MOV10L1: variants seen among roughly 807,000 people sequenced by gnomAD.
MOV10L1 encodes Mov10 like RNA helicase 1.
Under a neutral mutation model 143.8 loss-of-function variants are expected in MOV10L1, and 110 were observed. The ratio of observed to expected loss-of-function variants is 0.76; its 90% CI spans 0.66 to 0.90. MOV10L1 has a LOEUF of 0.90. Among genes scored for constraint, MOV10L1 ranks in the 40% least tolerant of loss-of-function variants. The probability of loss-of-function intolerance (pLI) is 0.00; values close to 1 mark genes in which losing one functional copy is unlikely to be tolerated. For missense variants in MOV10L1, 1,406 were observed against 1,526.8 expected, an observed-to-expected ratio of 0.92 and a Z score of 1.32; for synonymous variants, 593 against 581.1, an observed-to-expected ratio of 1.02 and a Z score of -0.29.
intron 13 of MOV10L1, among the ~76,000 whole-genome samples, chr22:50,129,949 A>G (rs2062624347): frequency 6.6e-6 from 1 of 152,296 alleles, no homozygotes; most frequent in African/African-American, 2.4e-5. Flanking sequence ...TCTTAGGTAC[A>G]TATCTTCTCC....
chr22:50,137,532 C>T (rs768551310), intron 15 of MOV10L1, among the ~76,000 whole-genome samples: 1 of 151,806 alleles, frequency 6.6e-6, no homozygotes, highest in Non-Finnish European at 1.5e-5. Flanking sequence ...TAGAATACAG[C>T]AAGACTCCAT....
intron 19 of MOV10L1, chr22:50,147,003 C>A: frequency 6.6e-7 from 1 of 1,517,816 alleles, no homozygotes; most frequent in African/African-American, 1.4e-5. Context: ...CAGCACGGAT[C>A]TGAACAAGAC....
At chr22:50,141,941 G>T in intron 15 of MOV10L1, 140 bp from the exon 16 acceptor site, 1 of 466,330 alleles carries the variant, frequency 2.1e-6, no homozygotes. Context: ...TTTTTCAAAG[G>T]GTCTGACCTG....
intron 13 of MOV10L1, 149 bp from the exon 14 acceptor site, chr22:50,133,858 C>A: frequency 1.4e-6 from 1 of 719,756 alleles, no homozygotes; most frequent in Non-Finnish European, 2.3e-6. Flanking sequence ...TAGTGTTTTT[C>A]TGTTCTCTAT....
At chr22:50,113,626 C>CTTTCTGGGGCTCTTT in intron 5 of MOV10L1, 22 bp from the exon 6 acceptor site, 1 of 1,610,248 alleles carries the variant, frequency 6.2e-7, no homozygotes, top group African/African-American at 1.3e-5. Context: ...AGAGGGATGT[C>CTTTCTGGGGCTCTTT]TTTCTGGGGC....
intron 11 of MOV10L1, among the ~76,000 whole-genome samples, 178 bp downstream of exon 11, chr22:50,125,747 C>T (rs1254664921): frequency 5.3e-5 from 8 of 152,046 alleles, no homozygotes; most frequent in Non-Finnish European, 1.0e-4. Flanking sequence ...TGTTGTATTT[C>T]ATTAGTTGTA....
chr22:50,114,607 A>G lies in MOV10L1; in HGVS notation c.1111A>G (p.Arg371Gly), dbSNP rs2062116161. 6.2e-7 allele frequency: 1 copy of G among 1,613,960 alleles called. No homozygotes were observed. The highest frequency in any genetic ancestry group is 8.5e-7 in the Non-Finnish European group (1 of 1,180,010). ...GTCGGAGAGCAGTTTGGTGAACAAC[A>G]GAGGAATCTCTCCAGGTAGTGGACG... ...QMSESSLVNN[R>G]GISPGDCTCK... The change falls in exon 7 of 27, where the codon AGA becomes GGA. Residue 371 changes from arginine to glycine, a missense_variant. By Grantham distance (125) the Arg-to-Gly change is moderately radical (BLOSUM62 -2). Coordinates refer to ENST00000262794, the MANE Select transcript of MOV10L1 (RefSeq NM_018995.3).
chr22:50,117,415 C>T (rs914911188), intron 9 of MOV10L1, 64 bp downstream of exon 9: 44 of 1,549,028 alleles, frequency 2.8e-5, no homozygotes, highest in Admixed American at 2.5e-4. Context: ...GAAAAGCGGA[C>T]GTGCACTGGC....
intron 18 of MOV10L1, among the ~76,000 whole-genome samples, chr22:50,144,816 C>G (rs138263): frequency 6.6e-6 from 1 of 151,736 alleles, no homozygotes; most frequent in Non-Finnish European, 1.5e-5. Flanking sequence ...CTCCTGACCT[C>G]ATGATCTGCC....
chr22:50,123,384 A>C (rs2062407643), intron 10 of MOV10L1, among the ~76,000 whole-genome samples: 1 of 151,610 alleles, frequency 6.6e-6, no homozygotes, highest in African/African-American at 2.4e-5. Context: ...ATGTTTTTTG[A>C]GACAGGGTCT....
rs958226473 is a variant in MOV10L1, at chr22:50,142,141, A to C, written c.2131A>C (p.Lys711Gln). 1 of 1,613,524 alleles carries C rather than the reference A, an allele frequency of 6.2e-7. No individual in the cohort carries two copies. Among genetic ancestry groups the C allele is most frequent in the African/African-American group, 1.3e-5 (1 of 74,978 alleles). Residue 711 changes from lysine (K) to glutamine (Q), a missense_variant, in exon 16 of 27, where the codon AAG becomes CAG. Lys to Gln is a moderately conservative substitution (Grantham distance 53, BLOSUM62 1). Coordinates refer to ENST00000262794, the MANE Select transcript of MOV10L1 (RefSeq NM_018995.3). ...AACAGAGGAGAGGCGTGTTGGTGAC[A>C]AGGACCTGCCGGTGCTGGCACCCTT... ...HGTEERRVGD[K>Q]DLPVLAPFTA... is the part of the protein sequence containing the mutation.
chr22:50,153,196 C>T lies in MOV10L1; in HGVS notation c.3044C>T (p.Pro1015Leu). The change falls in exon 22 of 27, where the codon CCT (proline) becomes CTT (leucine). Residue 1015 changes from proline to leucine, a missense_variant. By Grantham distance (98) the Pro-to-Leu change is moderately conservative (BLOSUM62 -3). Coordinates refer to ENST00000262794, the MANE Select transcript of MOV10L1 (RefSeq NM_018995.3). ...GWEKLPKKGF[P>L]LIFHGVRGSE... is the part of the protein sequence containing the mutation. The stretch of plus-strand genomic sequence containing the variant: ...GAGAAGTTGCCTAAGAAAGGCTTCC[C>T]TCTCATCTTCCATGGTGTGCGGGTG... 1 of 1,613,910 alleles carries T rather than the reference C, an allele frequency of 6.2e-7. No homozygotes were observed. Among genetic ancestry groups the T allele is most frequent in the South Asian group, 1.1e-5 (1 of 91,060 alleles).
At chr22:50,144,011 CGAATGTGT>C in intron 17 of MOV10L1, 78 bp from the exon 18 acceptor site, 1 of 1,522,560 alleles carries the variant, frequency 6.6e-7, no homozygotes. Flanking sequence ...TCCCTGCACC[CGAATGTGT>C]GTGTTGAGGT....
Position 50,119,782 on chromosome 22 carries a change from C to T in MOV10L1, c.1455-720C>T, listed in dbSNP as rs541151825. Among the ~76,000 whole-genome samples the T allele has an allele frequency of 5.3e-5, 8 of 151,568 alleles. No individual in the cohort carries two copies. In the South Asian group the frequency reaches 1.7e-3, roughly 32 times the overall value. The stretch of plus-strand genomic sequence containing the variant: ...AATTGAGATGACAGTGAATGGAATA[C>T]GGAGAGCAATGTGGGCTTCTCTCTT... On this transcript the variant is annotated intron_variant, in intron 9 of 26. Coordinates refer to ENST00000262794, the MANE Select transcript of MOV10L1 (RefSeq NM_018995.3).
intron 5 of MOV10L1, 45 bp downstream of exon 5, chr22:50,108,889 A>C (rs770317086): frequency 5.7e-6 from 9 of 1,589,126 alleles, no homozygotes; most frequent in Non-Finnish European, 7.7e-6. Flanking sequence ...TAACGCCTGT[A>C]ATCCTAGCAC....
At chr22:50,135,602 T>G (rs1030897455) in intron 15 of MOV10L1, among the ~76,000 whole-genome samples, 3 of 151,736 alleles carry the variant, frequency 2.0e-5, no homozygotes, top group Non-Finnish European at 4.4e-5. Flanking sequence ...AATCCAAAAA[T>G]TAGCCGGGCA....
chr22:50,136,042 C>T (rs1226176602), intron 15 of MOV10L1, among the ~76,000 whole-genome samples: 3 of 151,998 alleles, frequency 2.0e-5, no homozygotes, highest in African/African-American at 7.3e-5. Context: ...ATAGTTCCTC[C>T]CCCAAAATGC....
rs752041712 is a variant in MOV10L1, at chr22:50,158,866, ATGT to A, written c.3216+662_3216+664del. ...GTGCTGACCGCAGAGCCCGTCAAAGATGTTATGTTTCCTTTTTTCTGACCTCGG... is the reference window on the plus strand; with the variant it reads ...GTGCTGACCGCAGAGCCCGTCAAAGATATGTTTCCTTTTTTCTGACCTCGG... On this transcript the variant is annotated intron_variant, in intron 23 of 26. Coordinates refer to ENST00000262794, the MANE Select transcript of MOV10L1 (RefSeq NM_018995.3). The surrounding 1 kb of genome is among the most constrained non-coding windows in gnomAD (Gnocchi z 5.0). 1 of 152,210 alleles carries A rather than the reference ATGT, an allele frequency of 6.6e-6. No individual in the cohort carries two copies. The highest frequency in any genetic ancestry group is 1.5e-5 in the Non-Finnish European group (1 of 68,092). 9.4% of individuals were successfully genotyped at this position (152,210 alleles called of 1,614,324 possible). A position where few individuals can be genotyped will look rare whatever the true frequency, so the allele number is the denominator to read the frequency against.
At chr22:50,112,527 CCTT>C (rs1460889508) in intron 5 of MOV10L1, among the ~76,000 whole-genome samples, 1 of 152,214 alleles carries the variant, frequency 6.6e-6, no homozygotes, top group Non-Finnish European at 1.5e-5. Flanking sequence ...CCCGCACTCT[CCTT>C]CTCTTTAGGC....
Sources: gnomAD v4.1 joint callset for allele counts (sites outside exome capture counted in the v4.1 genomes callset) on GRCh38, gnomAD v4.1.1 for gene constraint, Gnocchi (gnomAD v3.1) non-coding constraint, MANE v1.5 for transcripts, NCBI Gene and HGNC (gene_info 2026-07-23, HGNC 2026-07-21) for gene names.